Variants in SHROOM2 observed in about 807,000 individuals in gnomAD.
SHROOM2 encodes the protein protein Shroom2.
SHROOM2 carries 33 observed loss-of-function variants against 75.9 expected under a neutral mutation model. The ratio of observed to expected loss-of-function variants is 0.43; its 90% CI spans 0.33 to 0.58. The LOEUF is 0.58. Ranked by LOEUF, SHROOM2 falls within the 20% of genes least tolerant of loss-of-function variation. The probability of loss-of-function intolerance (pLI) is 0.04; values close to 1 mark genes in which losing one functional copy is unlikely to be tolerated. For synonymous variants in SHROOM2, 655 were observed against 663.6 expected (o/e 0.99, Z 0.20); for missense variants, 1,434 against 1,461.2 (o/e 0.98, Z 0.30).
At chrX:9,834,654 T>TC (rs2083934746) in intron 1 of SHROOM2, among the ~76,000 whole-genome samples, 1 of 99,692 alleles carries the variant, frequency 1.0e-5, no homozygotes, top group Non-Finnish European at 2.0e-5. Flanking sequence ...TTATTTATTT[T>TC]CTTTGAGACA....
chrX:9,807,969 A>G (rs951337617), intron 1 of SHROOM2, among the ~76,000 whole-genome samples: 2 of 111,903 alleles, frequency 1.8e-5, no homozygotes, highest in Admixed American at 1.9e-4. Flanking sequence ...CCTGGGTGCC[A>G]GGCACACCTG....
intron 2 of SHROOM2, among the ~76,000 whole-genome samples, chrX:9,889,799 T>A (rs766460020): frequency 9.0e-6 from 1 of 111,673 alleles, no homozygotes; most frequent in East Asian, 2.8e-4. Flanking sequence ...CTAGTCTTAG[T>A]TAACCAGAAG....
intron 9 of SHROOM2, among the ~76,000 whole-genome samples, chrX:9,945,962 C>T (rs2084814659): frequency 8.9e-6 from 1 of 112,981 alleles, no homozygotes; most frequent in Non-Finnish European, 1.9e-5. Context: ...CACCCTTCCC[C>T]TTTCTCCAGG....
chrX:9,864,329 C>G (rs1357680811), intron 1 of SHROOM2, among the ~76,000 whole-genome samples: 2 of 111,104 alleles, frequency 1.8e-5, no homozygotes, highest in African/African-American at 6.6e-5. Flanking sequence ...GTGCATGCCT[C>G]TCTGATAGGG....
At chrX:9,903,748 T>C (rs780254399) in intron 5 of SHROOM2, among the ~76,000 whole-genome samples, 2 of 110,671 alleles carry the variant, frequency 1.8e-5, no homozygotes, top group East Asian at 5.7e-4. Flanking sequence ...TCTCACCGTG[T>C]TGCCCAAGCT....
intron 1 of SHROOM2, among the ~76,000 whole-genome samples, chrX:9,790,887 G>T (rs1278530635): frequency 3.6e-5 from 4 of 110,994 alleles, no homozygotes; most frequent in African/African-American, 1.3e-4. Context: ...GGGCAAGAGT[G>T]TGGAGTCAGG....
intron 1 of SHROOM2, among the ~76,000 whole-genome samples, chrX:9,872,396 C>T (rs143618404): frequency 8.9e-6 from 1 of 112,067 alleles, no homozygotes; most frequent in Admixed American, 9.4e-5. Flanking sequence ...GAAACCCTGT[C>T]TCTACTAAAA....
At chrX:9,850,832 A>AAAAG (rs1463117702) in intron 1 of SHROOM2, among the ~76,000 whole-genome samples, 1 of 15,956 alleles carries the variant, frequency 6.3e-5, no homozygotes, top group Non-Finnish European at 1.5e-4. Flanking sequence ...ACTCTGTGTC[A>AAAAG]AAAAAAAAAA....
At chrX:9,803,950 A>G (rs2083737862) in intron 1 of SHROOM2, among the ~76,000 whole-genome samples, 1 of 111,334 alleles carries the variant, frequency 9.0e-6, no homozygotes, top group Non-Finnish European at 1.9e-5. Context: ...TAACAAATCT[A>G]GCCGTTTAAA....
chrX:9,818,754 A>G (rs1379358310), intron 1 of SHROOM2: 1 of 465,237 alleles, frequency 2.1e-6, no homozygotes, highest in African/African-American at 2.4e-5. Context: ...CACATAAATC[A>G]ATGATACCCT....
chrX:9,828,133 C>T (rs984639738), intron 1 of SHROOM2, among the ~76,000 whole-genome samples: 3 of 112,820 alleles, frequency 2.7e-5, no homozygotes, highest in African/African-American at 3.2e-5. Flanking sequence ...GCACATCTTA[C>T]GTGGCAGCAG....
chrX:9,928,721 A>C (rs962294513), intron 5 of SHROOM2, among the ~76,000 whole-genome samples: 15 of 110,980 alleles, frequency 1.4e-4, no homozygotes, highest in African/African-American at 4.6e-4. Flanking sequence ...ACACAGAGAC[A>C]TGCATCTACA....
intron 1 of SHROOM2, among the ~76,000 whole-genome samples, chrX:9,809,540 C>T (rs1300334642): frequency 8.9e-6 from 1 of 112,357 alleles, no homozygotes; most frequent in Admixed American, 9.5e-5. Flanking sequence ...ACATAATCTT[C>T]AAGTAAAGAC....
At chrX:9,823,314 G>A (rs1022873918) in intron 1 of SHROOM2, among the ~76,000 whole-genome samples, 1 of 107,992 alleles carries the variant, frequency 9.3e-6, no homozygotes, top group Non-Finnish European at 1.9e-5. Flanking sequence ...ATGATCATTG[G>A]TCACTGCAGC....
At chrX:9,823,756 CTTTTTTCTTTT>C (rs1413993124) in intron 1 of SHROOM2, among the ~76,000 whole-genome samples, 6 of 85,894 alleles carry the variant, frequency 7.0e-5, no homozygotes, top group Admixed American at 4.6e-4. Flanking sequence ...TTTCTTTTTT[CTTTTTTCTTTT>C]TTTTTTTTTG....
chrX:9,897,449 G>T lies in SHROOM2; in HGVS notation c.2791-741G>T, dbSNP rs112128719. Among the ~76,000 whole-genome samples, 638 of 108,734 alleles carry T rather than the reference G, an allele frequency of 5.9e-3. 2 individuals are homozygous for T. Among genetic ancestry groups the T allele is most frequent in the African/African-American group, 0.02 (603 of 29,686 alleles). 94.4% of individuals were successfully genotyped at this position (108,734 alleles called of 115,157 possible). A position where few individuals can be genotyped will look rare whatever the true frequency, so the allele number is the denominator to read the frequency against. On this transcript the variant is annotated intron_variant, in intron 4 of 9. Transcript: ENST00000380913. ...TTTTAAAAGAATCCAGGGTGGGTGC[G>T]GTGGTGCATTTGCAGTTCTAGTACT...
chrX:9,875,895 A>C (rs747870308), intron 2 of SHROOM2, among the ~76,000 whole-genome samples: 1 of 112,797 alleles, frequency 8.9e-6, no homozygotes, highest in East Asian at 2.8e-4. Flanking sequence ...CTAGAAGTAC[A>C]TATTTAGTGA....
intron 1 of SHROOM2, among the ~76,000 whole-genome samples, chrX:9,792,450 T>TTG (rs1286384569): frequency 5.2e-4 from 38 of 73,698 alleles, no homozygotes; most frequent in Admixed American, 1.3e-3. Flanking sequence ...GGCTGTTTTT[T>TTG]TGTGTTGTTT....
intron 5 of SHROOM2, among the ~76,000 whole-genome samples, chrX:9,929,813 G>C (rs1885660100): frequency 8.9e-6 from 1 of 111,860 alleles, no homozygotes. Flanking sequence ...CACGTGTTGT[G>C]GGAGGGACCC....
Sources: allele counts gnomAD v4.1 joint callset (sites outside exome capture counted in the v4.1 genomes callset), GRCh38; gene constraint gnomAD v4.1.1; transcripts MANE v1.5; gene names NCBI Gene and HGNC (gene_info 2026-07-23, HGNC 2026-07-21).